Variants in NUDT6 observed in about 807,000 individuals in gnomAD.
NUDT6 encodes nudix hydrolase 6.
A neutral mutation model predicts 36.8 loss-of-function variants in NUDT6; 24 were observed. The ratio of observed to expected loss-of-function variants is 0.65; its 90% CI spans 0.47 to 0.92. The LOEUF (loss-of-function observed/expected upper bound fraction) is 0.92, where lower values mean the gene tolerates loss of function less well. NUDT6 is among the 40% of genes least tolerant of loss of function. The pLI, the probability that NUDT6 is intolerant of heterozygous loss-of-function variation, is 0.00. For synonymous variants in NUDT6, 163 were observed against 157.0 expected, an observed-to-expected ratio of 1.04 and a Z score of -0.29; for missense variants, 388 against 392.8, an observed-to-expected ratio of 0.99 and a Z score of 0.10.
intron 2 of NUDT6, among the ~76,000 whole-genome samples, chr4:122,914,764 A>G (rs115533599): frequency 0.011 from 1,699 of 152,274 alleles, 36 homozygotes; most frequent in African/African-American, 0.038. Flanking sequence ...ATTCATTAAA[A>G]AAATATTGAA....
intron 3 of NUDT6, among the ~76,000 whole-genome samples, chr4:122,902,709 C>T (rs1982569): frequency 0.43 from 65,197 of 152,000 alleles, 16,895 homozygotes; most frequent in Non-Finnish European, 0.57. Flanking sequence ...AACTCTTGAA[C>T]ACCCAGTTTA....
chr4:122,901,349 T>C (rs1303892220), intron 3 of NUDT6, among the ~76,000 whole-genome samples: 2 of 152,212 alleles, frequency 1.3e-5, no homozygotes, highest in Non-Finnish European at 2.9e-5. Context: ...TATAAAAATA[T>C]GTGATTTTAA....
intron 1 of NUDT6, chr4:122,919,891 T>A (rs1282536245): frequency 6.6e-6 from 1 of 152,252 alleles, no homozygotes; most frequent in Non-Finnish European, 1.5e-5. Flanking sequence ...CCCTACATTA[T>A]GCACTGGGGC....
intron 3 of NUDT6, among the ~76,000 whole-genome samples, chr4:122,902,251 G>T (rs1443574186): frequency 6.8e-6 from 1 of 147,538 alleles, no homozygotes; most frequent in East Asian, 2.3e-4. Context: ...CAAGCATAAA[G>T]AAGTTAATGT....
intron 4 of NUDT6, 138 bp downstream of exon 4, chr4:122,897,486 G>C (rs1004560832): frequency 1.5e-6 from 1 of 678,328 alleles, no homozygotes; most frequent in Non-Finnish European, 2.7e-6. Flanking sequence ...TCAGCTCTGA[G>C]GTAATTTCTG....
At chr4:122,894,471 T>C (rs1372897275) in intron 4 of NUDT6, 1 of 152,026 alleles carries the variant, frequency 6.6e-6, no homozygotes, top group African/African-American at 2.4e-5. Flanking sequence ...TGGTCTCAGA[T>C]ACTTGGGAGG....
intron 3 of NUDT6, among the ~76,000 whole-genome samples, chr4:122,908,636 C>T (rs1176322635): frequency 4.6e-5 from 7 of 152,184 alleles, no homozygotes; most frequent in African/African-American, 1.7e-4. Context: ...TTTGCAGGAC[C>T]TCTTGAGATG....
chr4:122,917,157 C>T (rs1727861643), intron 2 of NUDT6, among the ~76,000 whole-genome samples: 1 of 152,098 alleles, frequency 6.6e-6, no homozygotes, highest in African/African-American at 2.4e-5. Flanking sequence ...TGAGAGAGAC[C>T]ACATTCACAT....
At chr4:122,911,922 A>G (rs879936316) in intron 3 of NUDT6, among the ~76,000 whole-genome samples, 10 of 152,156 alleles carry the variant, frequency 6.6e-5, no homozygotes, top group Non-Finnish European at 1.3e-4. Context: ...ACCACTGTCC[A>G]TATTCTGGGC....
At position 122,915,474 on chromosome 4, in the gene NUDT6, A is replaced by AAAAAAAAAAC. The variant is rs1553952475; in HGVS notation, c.442+2026_442+2027insGTTTTTTTTT. The stretch of plus-strand genomic sequence containing the variant: ...GACAAAGTGAGACCCTGCCTCAAAA[A>AAAAAAAAAAC]AAAAAAAAAAAAAAAAAAAAAAAAC... On this transcript the variant is annotated intron_variant, in intron 2 of 4. Coordinates refer to ENST00000304430, the MANE Select transcript of NUDT6 (RefSeq NM_007083.5). Among the ~76,000 whole-genome samples the AAAAAAAAAAC allele has an allele frequency of 7.6e-3, 410 of 53,770 alleles. 11 individuals carry two copies. The highest frequency in any genetic ancestry group is 0.025 in the African/African-American group (372 of 15,152). The allele number at this position is 53,770 out of a possible 152,430, so 35.3% of individuals were successfully genotyped here. A position where few individuals can be genotyped will look rare whatever the true frequency, so the allele number is the denominator to read the frequency against.
chr4:122,899,911 T>C (rs1003394966), intron 3 of NUDT6, among the ~76,000 whole-genome samples: 6 of 152,088 alleles, frequency 3.9e-5, no homozygotes. Context: ...AAGAGCAGGC[T>C]GGGGACTGGG....
Position 122,917,500 on chromosome 4 carries a change from C to T in NUDT6, c.442+1G>A. ...CTGCTCATCATGAGTTTGAAACTGACCTGCAACTCCTACTTGATGTGAAGC... is the reference window on the plus strand; with the variant it reads ...CTGCTCATCATGAGTTTGAAACTGATCTGCAACTCCTACTTGATGTGAAGC... On this transcript the variant is annotated splice_donor_variant, in intron 2 of 4. Transcript: ENST00000304430. LOFTEE classifies it high-confidence loss of function. The T allele has an allele frequency of 1.2e-6, 2 of 1,613,656 alleles. No individual in the cohort carries two copies. The highest frequency in any genetic ancestry group is 1.1e-5 in the South Asian group (1 of 91,062).
Position 122,892,741 on chromosome 4 carries a change from ACAGT to A in NUDT6, c.*83_*86del. Reference sequence around the variant, plus strand: ...TGGAAATCATATACATTAGAAAATCACAGTCAGATGTTTAATCAATCCAAAATGT... The same window carrying A: ...TGGAAATCATATACATTAGAAAATCACAGATGTTTAATCAATCCAAAATGT... On this transcript the variant is annotated 3_prime_UTR_variant, in exon 5 of 5. Transcript: ENST00000304430. 8.1e-6 allele frequency: 11 copies of A among 1,352,604 alleles called. No individual in the cohort carries two copies. The highest frequency in any genetic ancestry group is 9.9e-6 in the Non-Finnish European group (10 of 1,007,010). 83.8% of individuals were successfully genotyped at this position (1,352,604 alleles called of 1,614,324 possible).
At chr4:122,895,433 G>T (rs113615485) in intron 4 of NUDT6, 2 of 152,240 alleles carry the variant, frequency 1.3e-5, no homozygotes, top group African/African-American at 4.8e-5. Context: ...TTTAATAATA[G>T]AATTAGATTG....
chr4:122,922,190 GAAAAC>G, intron 1 of NUDT6, 140 bp downstream of exon 1: 1 of 629,754 alleles, frequency 1.6e-6, no homozygotes, highest in Non-Finnish European at 2.5e-6. Context: ...GAATGCTCCA[GAAAAC>G]AGGTCCAGGT....
At chr4:122,922,599 C>CCCAAATG (rs1560778984), upstream of NUDT6, 1 of 1,554,868 alleles carries the variant, frequency 6.4e-7, no homozygotes, top group Admixed American at 1.7e-5. Flanking sequence ...TCGTCCGTTG[C>CCCAAATG]CCAAATGACC....
At chr4:122,911,812 C>T (rs1024201163) in intron 3 of NUDT6, among the ~76,000 whole-genome samples, 1 of 152,106 alleles carries the variant, frequency 6.6e-6, no homozygotes, top group African/African-American at 2.4e-5. Flanking sequence ...CACGGTACTT[C>T]TCTGGGAAAT....
At chr4:122,904,042 G>C (rs1261951308) in intron 3 of NUDT6, among the ~76,000 whole-genome samples, 25 of 152,130 alleles carry the variant, frequency 1.6e-4, no homozygotes, top group Non-Finnish European at 1.2e-4. Context: ...TTAAGATACA[G>C]CAGATGCAGA....
chr4:122,903,395 G>A (rs1727562147), intron 3 of NUDT6, among the ~76,000 whole-genome samples: 3 of 152,170 alleles, frequency 2.0e-5, no homozygotes, highest in Admixed American at 2.0e-4. Context: ...AAAATCAGCA[G>A]AGCCAGGAAG....
Sources: gnomAD v4.1 joint callset for allele counts (sites outside exome capture counted in the v4.1 genomes callset) on GRCh38, gnomAD v4.1.1 for gene constraint, MANE v1.5 for transcripts, NCBI Gene and HGNC (gene_info 2026-07-23, HGNC 2026-07-21) for gene names.